The following TRMT11 variants were observed in gnomAD, a reference collection of about 807,000 sequenced individuals.
The protein encoded by TRMT11 is tRNA methyltransferase 11, also known as tRNA (guanine(10)-N(2))-methyltransferase TRMT11.
A neutral mutation model predicts 62.8 loss-of-function variants in TRMT11; 53 were observed. That is an observed-to-expected ratio of 0.84 (90% CI 0.68 to 1.06). The LOEUF is 1.06. Ranked by LOEUF, TRMT11 falls within the 50% of genes least tolerant of loss-of-function variation. The pLI is 0.00. For missense variants in TRMT11, 556 were observed against 553.4 expected (o/e 1.00, Z -0.05); for synonymous variants, 188 against 190.3 (o/e 0.99, Z 0.10).
At chr6:126,176,567 A>G (rs1258559107), upstream of TRMT11, among the ~76,000 whole-genome samples, 1 of 152,176 alleles carries the variant, frequency 6.6e-6, no homozygotes, top group African/African-American at 2.4e-5. Context: ...GTAAAATGAG[A>G]TCACAGGAAC....
intron 12 of TRMT11, among the ~76,000 whole-genome samples, chr6:126,021,504 C>T (rs1256791547): frequency 2.6e-5 from 4 of 152,122 alleles, no homozygotes; most frequent in East Asian, 1.9e-4. Context: ...TTCAAATAGA[C>T]GTTGACCCTC....
At chr6:126,174,138 A>T (rs1214047344), upstream of TRMT11, among the ~76,000 whole-genome samples, 1 of 152,086 alleles carries the variant, frequency 6.6e-6, no homozygotes, top group African/African-American at 2.4e-5. Context: ...CTCACTCCCC[A>T]CTGTCGCCCA....
chr6:126,222,467 C>T, the TRMT11 span, among the ~76,000 whole-genome samples: 1 of 151,582 alleles, frequency 6.6e-6, no homozygotes, highest in African/African-American at 2.4e-5. Context: ...TTTTCCATTT[C>T]CATTTCCATT....
chr6:126,229,545 C>G, the TRMT11 span, among the ~76,000 whole-genome samples: 1 of 152,218 alleles, frequency 6.6e-6, no homozygotes, highest in Non-Finnish European at 1.5e-5. Flanking sequence ...AGTTCAACAA[C>G]TCTTTTAGGA....
the TRMT11 span, among the ~76,000 whole-genome samples, chr6:126,266,090 T>C: frequency 1.3e-5 from 2 of 152,150 alleles, no homozygotes; most frequent in Non-Finnish European, 2.9e-5. Flanking sequence ...TTGTAAATTA[T>C]TCAGTTACAT....
At chr6:126,053,241 A>C (rs1776269007) in intron 17 of TRMT11, among the ~76,000 whole-genome samples, 1 of 152,210 alleles carries the variant, frequency 6.6e-6, no homozygotes, top group South Asian at 2.1e-4. Flanking sequence ...GGGCAAGCCC[A>C]GTGTGAGTCT....
intron 3 of TRMT11, among the ~76,000 whole-genome samples, chr6:126,200,984 T>C (rs2050724080): frequency 6.6e-6 from 1 of 152,192 alleles, no homozygotes; most frequent in African/African-American, 2.4e-5. Flanking sequence ...GCATTTAGAA[T>C]AGGGGGTGTT....
chr6:126,169,448 C>T (rs1778305970), intron 21 of TRMT11, among the ~76,000 whole-genome samples: 1 of 152,164 alleles, frequency 6.6e-6, no homozygotes. Flanking sequence ...TTACCCATGT[C>T]GAAAAGACTC....
intron 1 of TRMT11, among the ~76,000 whole-genome samples, chr6:126,182,918 T>C (rs1355736480): frequency 6.6e-6 from 1 of 152,058 alleles, no homozygotes; most frequent in Non-Finnish European, 1.5e-5. Flanking sequence ...CCTTTGTATG[T>C]TTTGTAATTG....
At chr6:126,171,307 G>A (rs996610183) in intron 21 of TRMT11, among the ~76,000 whole-genome samples, 2 of 151,778 alleles carry the variant, frequency 1.3e-5, no homozygotes, top group Non-Finnish European at 2.9e-5. Context: ...AGTGTTTGTG[G>A]TAACAGAAGG....
downstream of TRMT11, among the ~76,000 whole-genome samples, chr6:126,043,996 C>G (rs62426452): frequency 9.9e-5 from 15 of 151,118 alleles, no homozygotes; most frequent in East Asian, 1.8e-3. Flanking sequence ...TTCTCCCATT[C>G]TGTAGGTTGC....
intron 17 of TRMT11, among the ~76,000 whole-genome samples, chr6:126,091,832 G>T (rs1365906634): frequency 6.6e-6 from 1 of 152,062 alleles, no homozygotes. Flanking sequence ...CACATTGATT[G>T]CTTTCCTTTA....
chr6:126,096,629 A>G (rs1777344443), intron 17 of TRMT11, among the ~76,000 whole-genome samples: 1 of 151,842 alleles, frequency 6.6e-6, no homozygotes, highest in Non-Finnish European at 1.5e-5. Context: ...TACTGATTGC[A>G]GTCTTGTCTT....
At chr6:126,102,312 G>A (rs1338335832) in intron 17 of TRMT11, among the ~76,000 whole-genome samples, 1 of 152,080 alleles carries the variant, frequency 6.6e-6, no homozygotes. Flanking sequence ...GCCTGAAGCT[G>A]GACAGGGTGG....
At chr6:126,233,844 G>C in the TRMT11 span, among the ~76,000 whole-genome samples, 2 of 152,040 alleles carry the variant, frequency 1.3e-5, no homozygotes, top group African/African-American at 4.8e-5. Context: ...AGAGGAGGAA[G>C]ACCACAAAGG....
At chr6:126,267,578 A>C in the TRMT11 span, among the ~76,000 whole-genome samples, 207 of 152,292 alleles carry the variant, frequency 1.4e-3, no homozygotes, top group African/African-American at 4.4e-3. Flanking sequence ...TAATTAATTT[A>C]CTCTGCTAAA....
At chr6:126,151,806 T>TTC (rs1554242197) in intron 21 of TRMT11, among the ~76,000 whole-genome samples, 3 of 86,880 alleles carry the variant, frequency 3.5e-5, no homozygotes, top group African/African-American at 4.8e-5. Context: ...CCTCTCTGTC[T>TTC]TTTCTTTCTT....
downstream of TRMT11, among the ~76,000 whole-genome samples, chr6:126,203,193 G>A (rs1474340873): frequency 6.6e-6 from 1 of 152,154 alleles, no homozygotes; most frequent in Non-Finnish European, 1.5e-5. Flanking sequence ...TTTGTTTAAT[G>A]CTCTGCTGTT....
At chr6:126,246,694 G>A in the TRMT11 span, among the ~76,000 whole-genome samples, 1 of 152,214 alleles carries the variant, frequency 6.6e-6, no homozygotes, top group Non-Finnish European at 1.5e-5. Flanking sequence ...GTGGCAGAGA[G>A]CAGGGCTGTG....
Sources: allele counts gnomAD v4.1 joint callset (sites outside exome capture counted in the v4.1 genomes callset), GRCh38; gene constraint gnomAD v4.1.1; transcripts MANE v1.5; gene names NCBI Gene and HGNC (gene_info 2026-07-23, HGNC 2026-07-21).